Variants in TGIF1 observed in about 807,000 individuals in gnomAD.
The protein encoded by TGIF1 is TGFB induced factor homeobox 1, also known as homeobox protein TGIF1.
Under a neutral mutation model 19.3 loss-of-function variants are expected in TGIF1, and 4 were observed. That is an observed-to-expected ratio of 0.21 (90% CI 0.10 to 0.47). TGIF1 has a LOEUF of 0.47. TGIF1 is among the 20% of genes least tolerant of loss of function. The pLI, the probability that TGIF1 is intolerant of heterozygous loss-of-function variation, is 0.98. For missense variants in TGIF1, 275 were observed against 341.4 expected (o/e 0.81, Z 1.53); for synonymous variants, 122 against 129.3 (o/e 0.94, Z 0.38).
At chr18:3,450,160 C>T, upstream of TGIF1, 1 of 1,266,126 alleles carries the variant, frequency 7.9e-7, no homozygotes, top group Non-Finnish European at 1.0e-6. Flanking sequence ...ACCTTCCCTC[C>T]TCGCCTCTCT....
chr18:3,413,998 A>T (rs1002765172), intron 1 of TGIF1, among the ~76,000 whole-genome samples: 3 of 152,190 alleles, frequency 2.0e-5, no homozygotes, highest in Non-Finnish European at 2.9e-5. Context: ...TAATGTGTAG[A>T]TGAAAAAACA....
intron 2 of TGIF1, among the ~76,000 whole-genome samples, chr18:3,437,697 C>A (rs1224795326): frequency 6.6e-6 from 1 of 152,140 alleles, no homozygotes; most frequent in African/African-American, 2.4e-5. Flanking sequence ...AGAGATGCTT[C>A]TTGGAAACTC....
Position 3,450,326 on chromosome 18 carries a change from G to T in TGIF1, c.-164G>T, listed in dbSNP as rs977200376. The T allele has an allele frequency of 2.2e-4, 321 of 1,456,706 alleles. No individual in the cohort carries two copies. Among genetic ancestry groups the T allele is most frequent in the Middle Eastern group, 7.2e-4 (4 of 5,532 alleles). 90.2% of individuals were successfully genotyped at this position (1,456,706 alleles called of 1,614,324 possible). On this transcript the variant is annotated 5_prime_UTR_variant, in exon 1 of 3. Coordinates refer to ENST00000343820, the MANE Select transcript of TGIF1 (RefSeq NM_003244.4). ...GTCACTTGAATTCCACCCAAGGAGC[G>T]GGCGCCTGGGATCAGAGCGTCCTGT...
intron 2 of TGIF1, among the ~76,000 whole-genome samples, chr18:3,427,817 CT>C (rs550757599): frequency 6.8e-4 from 104 of 152,252 alleles, no homozygotes; most frequent in African/African-American, 2.3e-3. Context: ...CCAGGATGGT[CT>C]CGAACTCTTG....
Position 3,457,484 on chromosome 18 carries a change from C to G in TGIF1, c.363C>G (p.Ser121Arg). The change falls in exon 3 of 3, where the codon AGC becomes AGG. Residue 121 changes from serine to arginine, a missense_variant. Coordinates refer to ENST00000343820, the MANE Select transcript of TGIF1 (RefSeq NM_003244.4). The surrounding 1 kb of genome is among the most constrained non-coding windows in gnomAD (Gnocchi z 4.9). ...GTGGGGCCAAGATTTCTGAAACGAG[C>G]TCTGTGGAGTCCGTGATGGGCATCA... ...SRRGAKISETSSVESVMGIKN... is the reference protein window; with the variant it reads ...SRRGAKISETRSVESVMGIKN... 1.9e-6 allele frequency: 3 copies of G among 1,614,204 alleles called. No individual in the cohort carries two copies. Among genetic ancestry groups the G allele is most frequent in the Non-Finnish European group, 2.5e-6 (3 of 1,180,032 alleles).
intron 1 of TGIF1, chr18:3,452,446 G>A: frequency 1.2e-6 from 2 of 1,607,716 alleles, no homozygotes; most frequent in Non-Finnish European, 8.5e-7. Flanking sequence ...CGAGGCTGCC[G>A]AGGTTACCCG....
chr18:3,425,653 A>G (rs2082457250), intron 2 of TGIF1, among the ~76,000 whole-genome samples: 1 of 151,890 alleles, frequency 6.6e-6, no homozygotes, highest in Admixed American at 6.6e-5. Flanking sequence ...CCACACCCCT[A>G]TGATTGCATC....
intron 1 of TGIF1, among the ~76,000 whole-genome samples, chr18:3,453,514 C>T (rs2083058245): frequency 6.6e-6 from 1 of 151,804 alleles, no homozygotes; most frequent in Non-Finnish European, 1.5e-5. Context: ...TGGAGAAACC[C>T]CGTCTCTCCT....
intron 2 of TGIF1, among the ~76,000 whole-genome samples, chr18:3,434,265 G>C (rs566895791): frequency 6.6e-6 from 1 of 152,042 alleles, no homozygotes; most frequent in Non-Finnish European, 1.5e-5. Flanking sequence ...GGCCGGGTGC[G>C]GTGGCTTATG....
chr18:3,437,985 G>A (rs1483151477), intron 2 of TGIF1, among the ~76,000 whole-genome samples: 2 of 152,110 alleles, frequency 1.3e-5, no homozygotes, highest in African/African-American at 2.4e-5. Context: ...TTGGGAGACT[G>A]AGGCAGGAGA....
rs1177311412 is a variant in TGIF1 at position 3,459,859 on chromosome 18, A to G, written c.*1919A>G. On this transcript the variant is annotated 3_prime_UTR_variant, in exon 3 of 3. Coordinates refer to ENST00000343820, the MANE Select transcript of TGIF1 (RefSeq NM_003244.4). ...AATGAATGTAATCCATTATTTAAAAACAGGTACATTTAAGTGAAAAGATAA... is the reference window on the plus strand; with the variant it reads ...AATGAATGTAATCCATTATTTAAAAGCAGGTACATTTAAGTGAAAAGATAA... 6.6e-6 allele frequency: 1 copy of G among 152,242 alleles called. No homozygotes were observed. Among genetic ancestry groups the G allele is most frequent in the Non-Finnish European group, 1.5e-5 (1 of 68,040 alleles). The allele number at this position is 152,242 out of a possible 1,614,324, so 9.4% of individuals were successfully genotyped here. A position where few individuals can be genotyped will look rare whatever the true frequency, so the allele number is the denominator to read the frequency against.
rs1424364600 is a variant in TGIF1, at chr18:3,451,839, C to T, written c.16+1334C>T. ...GAGGACTCGGGACAGGGAATTGGCCCTGGGAGAAAACGCGCGGGGGGCGTC... is the reference window on the plus strand; with the variant it reads ...GAGGACTCGGGACAGGGAATTGGCCTTGGGAGAAAACGCGCGGGGGGCGTC... On this transcript the variant is annotated intron_variant, in intron 1 of 2. Coordinates refer to ENST00000343820, the MANE Select transcript of TGIF1 (RefSeq NM_003244.4). This position sits in a 1 kb window ranked among gnomAD's most constrained non-coding sequence, Gnocchi z 5.4. 7 of 1,391,508 alleles carry T rather than the reference C, an allele frequency of 5.0e-6. No homozygotes were observed. The highest frequency in any genetic ancestry group is 6.5e-6 in the Non-Finnish European group (7 of 1,072,980). 86.2% of individuals were successfully genotyped at this position (1,391,508 alleles called of 1,614,324 possible). A position where few individuals can be genotyped will look rare whatever the true frequency, so the allele number is the denominator to read the frequency against.
At chr18:3,430,671 ATTTT>A (rs759165103) in intron 2 of TGIF1, among the ~76,000 whole-genome samples, 2 of 130,368 alleles carry the variant, frequency 1.5e-5, no homozygotes, top group Admixed American at 7.8e-5. Flanking sequence ...CACCCGGCTA[ATTTT>A]TTTTTTTTTT....
intron 2 of TGIF1, among the ~76,000 whole-genome samples, chr18:3,428,789 C>A (rs909481954): frequency 3.3e-5 from 5 of 151,732 alleles, no homozygotes; most frequent in African/African-American, 9.7e-5. Context: ...CGCCTGAGAT[C>A]CTAGCACTTT....
chr18:3,454,020 G>T (rs972142688), intron 1 of TGIF1, among the ~76,000 whole-genome samples: 1 of 152,184 alleles, frequency 6.6e-6, no homozygotes, highest in African/African-American at 2.4e-5. Flanking sequence ...AGCAGCAAAC[G>T]TGGTTTTACT....
intron 2 of TGIF1, among the ~76,000 whole-genome samples, chr18:3,440,265 C>T (rs957505525): frequency 9.2e-5 from 14 of 151,514 alleles, no homozygotes; most frequent in African/African-American, 9.7e-5. Flanking sequence ...GCAGGAGAAT[C>T]GCTTGAACCT....
At chr18:3,440,703 G>A (rs574096539) in intron 2 of TGIF1, among the ~76,000 whole-genome samples, 1 of 152,248 alleles carries the variant, frequency 6.6e-6, no homozygotes, top group African/African-American at 2.4e-5. Flanking sequence ...AAATGAGAAC[G>A]AAACGTAAAT....
chr18:3,424,380 T>C (rs2082443044), intron 2 of TGIF1, among the ~76,000 whole-genome samples: 1 of 152,160 alleles, frequency 6.6e-6, no homozygotes, highest in Non-Finnish European at 1.5e-5. Flanking sequence ...CTGTAATCCA[T>C]GGGTGGGAAG....
chr18:3,453,428 TGTAATCCCAG>T (rs2083054250), intron 1 of TGIF1, among the ~76,000 whole-genome samples: 2 of 152,076 alleles, frequency 1.3e-5, no homozygotes, highest in Non-Finnish European at 2.9e-5. Context: ...GGTTCACGCC[TGTAATCCCAG>T]CACTTTGGGA....
Sources: allele counts gnomAD v4.1 joint callset (sites outside exome capture counted in the v4.1 genomes callset), GRCh38; gene constraint gnomAD v4.1.1; non-coding constraint Gnocchi (gnomAD v3.1); transcripts MANE v1.5; gene names NCBI Gene and HGNC (gene_info 2026-07-23, HGNC 2026-07-21).